The following DLG2 variants were observed in gnomAD, a reference collection of about 807,000 sequenced individuals.
DLG2 encodes discs large MAGUK scaffold protein 2, also known as disks large homolog 2.
A neutral mutation model predicts 132.5 loss-of-function variants in DLG2; 45 were observed. The observed-to-expected ratio is 0.34, with a 90% confidence interval of 0.27 to 0.44. The LOEUF (loss-of-function observed/expected upper bound fraction) is 0.44. DLG2 is among the 20% of genes least tolerant of loss of function. The pLI is 1.00. For missense variants in DLG2, 1,045 were observed against 1,196.9 expected, an observed-to-expected ratio of 0.87 and a Z score of 1.87; for synonymous variants, 424 against 419.6, an observed-to-expected ratio of 1.01 and a Z score of -0.13.
At chr11:84,013,046 C>G (rs985354038) in intron 11 of DLG2, among the ~76,000 whole-genome samples, 1 of 152,230 alleles carries the variant, frequency 6.6e-6, no homozygotes, top group East Asian at 1.9e-4. Context: ...ATAGGTAGAA[C>G]AACTACCTTT....
chr11:85,529,507 T>C (rs1209733956), intron 3 of DLG2, among the ~76,000 whole-genome samples: 1 of 152,146 alleles, frequency 6.6e-6, no homozygotes, highest in East Asian at 1.9e-4. Flanking sequence ...AGTCATCTGA[T>C]AGAAAAATGT....
chr11:84,814,540 C>T (rs538922543), intron 6 of DLG2, among the ~76,000 whole-genome samples: 23 of 152,134 alleles, frequency 1.5e-4, no homozygotes, highest in Admixed American at 1.3e-3. Flanking sequence ...CCTTCCAGCC[C>T]CCACTGTTAC....
chr11:85,614,250 A>T (rs2081194111), intron 2 of DLG2, among the ~76,000 whole-genome samples: 1 of 152,190 alleles, frequency 6.6e-6, no homozygotes, highest in South Asian at 2.1e-4. Flanking sequence ...CTTTTTTACA[A>T]ATCAAGGACA....
intron 7 of DLG2, among the ~76,000 whole-genome samples, chr11:84,481,703 C>T (rs948620108): frequency 6.6e-6 from 1 of 152,158 alleles, no homozygotes; most frequent in African/African-American, 2.4e-5. Flanking sequence ...GTGCCCTCTG[C>T]TCCCAAAACA....
chr11:85,547,391 C>A (rs1001300533), intron 3 of DLG2, among the ~76,000 whole-genome samples: 2 of 152,128 alleles, frequency 1.3e-5, no homozygotes, highest in African/African-American at 4.8e-5. Flanking sequence ...TTGTGGGTAA[C>A]CTGACCTTTC....
intron 3 of DLG2, among the ~76,000 whole-genome samples, chr11:85,423,648 T>C (rs942619072): frequency 6.6e-6 from 1 of 151,802 alleles, no homozygotes; most frequent in East Asian, 1.9e-4. Context: ...GTCAATGGAG[T>C]TATGTTCCTA....
intron 3 of DLG2, among the ~76,000 whole-genome samples, chr11:85,406,537 T>C (rs2088758430): frequency 1.3e-5 from 2 of 151,856 alleles, no homozygotes. Context: ...GAAGACCCAA[T>C]TACAACTTTA....
At chr11:84,353,599 A>G (rs1265115049) in intron 7 of DLG2, among the ~76,000 whole-genome samples, 1 of 152,174 alleles carries the variant, frequency 6.6e-6, no homozygotes, top group African/African-American at 2.4e-5. Context: ...CAGCCATAGT[A>G]TTCTAAAATA....
intron 26 of DLG2, 89 bp downstream of exon 26, chr11:83,466,619 G>A (rs976492850): frequency 7.5e-6 from 5 of 668,202 alleles, no homozygotes; most frequent in Non-Finnish European, 1.3e-5. Flanking sequence ...CCATTTGTAA[G>A]CATTCCCAGC....
At chr11:84,983,483 A>G (rs1185490503) in intron 6 of DLG2, among the ~76,000 whole-genome samples, 1 of 151,986 alleles carries the variant, frequency 6.6e-6, no homozygotes, top group Non-Finnish European at 1.5e-5. Flanking sequence ...GGAGAAAAAA[A>G]AATCTGAACA....
At chr11:83,502,387 T>C (rs769731152) in intron 21 of DLG2, among the ~76,000 whole-genome samples, 1 of 152,186 alleles carries the variant, frequency 6.6e-6, no homozygotes, top group South Asian at 2.1e-4. Context: ...TCTCAGTGGA[T>C]AGCCACAATA....
chr11:84,347,860 C>T (rs2098545951), intron 7 of DLG2, among the ~76,000 whole-genome samples: 1 of 152,168 alleles, frequency 6.6e-6, no homozygotes. Context: ...TAGCCTAGAT[C>T]ATCACTATCT....
chr11:84,701,805 G>A (rs573797867), intron 6 of DLG2, among the ~76,000 whole-genome samples: 3 of 151,486 alleles, frequency 2.0e-5, no homozygotes, highest in Non-Finnish European at 3.0e-5. Flanking sequence ...TTAAAGCCCC[G>A]AACAGTGCCT....
At chr11:84,405,483 C>T (rs1003849571) in intron 7 of DLG2, among the ~76,000 whole-genome samples, 1 of 152,184 alleles carries the variant, frequency 6.6e-6, no homozygotes, top group Non-Finnish European at 1.5e-5. Context: ...GATTGGAAGT[C>T]TTGCCTTCCT....
chr11:84,148,655 T>C (rs889421834), intron 9 of DLG2, among the ~76,000 whole-genome samples: 2 of 152,176 alleles, frequency 1.3e-5, no homozygotes, highest in African/African-American at 4.8e-5. Context: ...TCTTTGCTAT[T>C]GTGAATAGTG....
At chr11:85,573,668 T>G (rs2077978883) in intron 3 of DLG2, among the ~76,000 whole-genome samples, 2 of 152,100 alleles carry the variant, frequency 1.3e-5, no homozygotes, top group South Asian at 4.1e-4. Flanking sequence ...CTAACTTATA[T>G]CCCCCCAATA....
At chr11:84,979,892 G>A (rs1401078581) in intron 6 of DLG2, among the ~76,000 whole-genome samples, 1 of 151,180 alleles carries the variant, frequency 6.6e-6, no homozygotes, top group African/African-American at 2.4e-5. Flanking sequence ...GTTTACTTGT[G>A]CAGCCTTCAG....
intron 19 of DLG2, among the ~76,000 whole-genome samples, chr11:83,587,994 C>A (rs565368357): frequency 6.6e-6 from 1 of 152,276 alleles, no homozygotes; most frequent in East Asian, 1.9e-4. Context: ...GGCTCCTAAG[C>A]CCACGGAGTC....
At chr11:83,873,818 C>T (rs1024103854) in intron 16 of DLG2, among the ~76,000 whole-genome samples, 2 of 152,176 alleles carry the variant, frequency 1.3e-5, no homozygotes, top group Non-Finnish European at 2.9e-5. Flanking sequence ...TTTCAGGAAC[C>T]AACATGACCT....
Sources: gnomAD v4.1 joint callset for allele counts (sites outside exome capture counted in the v4.1 genomes callset) on GRCh38, gnomAD v4.1.1 for gene constraint, MANE v1.5 for transcripts, NCBI Gene and HGNC (gene_info 2026-07-23, HGNC 2026-07-21) for gene names.